Variants in CPNE4 observed in about 807,000 individuals in gnomAD.
CPNE4 encodes copine-4.
Under a neutral mutation model 67.9 loss-of-function variants are expected in CPNE4, and 25 were observed. The ratio of observed to expected loss-of-function variants is 0.37; its 90% CI spans 0.27 to 0.51. CPNE4 has a LOEUF of 0.51. Among genes scored for constraint, CPNE4 ranks in the 20% least tolerant of loss-of-function variants. The probability of loss-of-function intolerance (pLI) is 0.93; values close to 1 mark genes in which losing one functional copy is unlikely to be tolerated. For synonymous variants in CPNE4, 242 were observed against 244.9 expected (o/e 0.99, Z 0.11); for missense variants, 464 against 690.8 (o/e 0.67, Z 3.68).
intron 7 of CPNE4, among the ~76,000 whole-genome samples, chr3:131,588,603 A>T (rs1430584661): frequency 6.6e-6 from 1 of 152,146 alleles, no homozygotes; most frequent in Non-Finnish European, 1.5e-5. Flanking sequence ...CTGTTCCCAG[A>T]TCCTGCAGGA....
At chr3:131,873,460 A>G (rs1033327653) in intron 2 of CPNE4, among the ~76,000 whole-genome samples, 2 of 152,174 alleles carry the variant, frequency 1.3e-5, no homozygotes, top group Admixed American at 6.5e-5. Context: ...TTATCTGAAT[A>G]TTCTGATCTT....
At chr3:131,599,246 A>T (rs935699901) in intron 7 of CPNE4, among the ~76,000 whole-genome samples, 2 of 152,200 alleles carry the variant, frequency 1.3e-5, no homozygotes, top group Non-Finnish European at 2.9e-5. Context: ...AATAATACCA[A>T]ATATATATCT....
At chr3:131,571,782 A>G (rs1473462891) in intron 10 of CPNE4, among the ~76,000 whole-genome samples, 1 of 151,968 alleles carries the variant, frequency 6.6e-6, no homozygotes, top group African/African-American at 2.4e-5. Flanking sequence ...GCCCTCGTCA[A>G]TATCCTTTGG....
chr3:131,811,746 A>C (rs564681329), intron 2 of CPNE4, among the ~76,000 whole-genome samples: 1 of 152,320 alleles, frequency 6.6e-6, no homozygotes, highest in South Asian at 2.1e-4. Context: ...ACATTTCAAA[A>C]TAAAGAGTAC....
chr3:131,780,082 C>T (rs956587735), intron 2 of CPNE4, among the ~76,000 whole-genome samples: 7 of 152,042 alleles, frequency 4.6e-5, no homozygotes. Context: ...TGAAAAAATG[C>T]TCAATATCAC....
chr3:131,816,627 CAGTAACTACA>C (rs2107956852), intron 2 of CPNE4, among the ~76,000 whole-genome samples: 1 of 152,286 alleles, frequency 6.6e-6, no homozygotes, highest in Non-Finnish European at 1.5e-5. Flanking sequence ...TCATTTCTAA[CAGTAACTACA>C]AGTAAGAGAA....
chr3:131,994,711 T>C (rs907005514), intron 1 of CPNE4, among the ~76,000 whole-genome samples: 1 of 152,096 alleles, frequency 6.6e-6, no homozygotes, highest in Non-Finnish European at 1.5e-5. Flanking sequence ...TAGCACCTAC[T>C]CCTCCCAAAG....
intron 1 of CPNE4, among the ~76,000 whole-genome samples, chr3:131,906,212 G>T (rs948945929): frequency 5.1e-5 from 6 of 117,494 alleles, no homozygotes; most frequent in East Asian, 2.8e-4. Flanking sequence ...GTTTTTTTTT[G>T]TTGTTGTTGT....
intron 2 of CPNE4, among the ~76,000 whole-genome samples, chr3:131,789,057 G>A (rs1583200216): frequency 6.6e-6 from 1 of 150,606 alleles, no homozygotes; most frequent in South Asian, 2.1e-4. Flanking sequence ...GAGAGAGAGA[G>A]AGAAAGACTT....
At position 131,570,337 on chromosome 3, in the gene CPNE4, TTA is replaced by T. The variant is rs199646143; in HGVS notation, c.927+4732_927+4733del. ...TTTATTTATTTATTTATTTATTTTT[TTA>T]AAATTTTTTATTATACTCTAAGTTT... On this transcript the variant is annotated intron_variant, in intron 10 of 15. Transcript: ENST00000429747. Among the ~76,000 whole-genome samples, 784 of 151,516 alleles carry T rather than the reference TTA, an allele frequency of 5.2e-3. 9 individuals carry two copies. Among genetic ancestry groups the T allele is most frequent in the African/African-American group, 0.016 (676 of 41,318 alleles).
intron 7 of CPNE4, among the ~76,000 whole-genome samples, chr3:131,621,776 G>T (rs1940478802): frequency 6.6e-6 from 1 of 151,914 alleles, no homozygotes; most frequent in African/African-American, 2.4e-5. Flanking sequence ...GGAGGCCAAG[G>T]TGGGCAGATT....
chr3:131,954,508 T>C (rs1352814855), intron 1 of CPNE4, among the ~76,000 whole-genome samples: 1 of 152,218 alleles, frequency 6.6e-6, no homozygotes, highest in Non-Finnish European at 1.5e-5. Context: ...TTTTTTATTA[T>C]TATTATACTT....
At chr3:131,970,504 G>A (rs2072473675) in intron 1 of CPNE4, among the ~76,000 whole-genome samples, 1 of 152,164 alleles carries the variant, frequency 6.6e-6, no homozygotes, top group Non-Finnish European at 1.5e-5. Flanking sequence ...TGACATGAAT[G>A]AGTTTGTTTC....
At chr3:131,574,563 G>A (rs1308311802) in intron 10 of CPNE4, among the ~76,000 whole-genome samples, 3 of 152,054 alleles carry the variant, frequency 2.0e-5, no homozygotes, top group African/African-American at 7.2e-5. Context: ...CCTCGGCCTG[G>A]TTCTCCAATC....
At chr3:131,916,376 AT>A (rs1560595930) in intron 1 of CPNE4, among the ~76,000 whole-genome samples, 3 of 148,998 alleles carry the variant, frequency 2.0e-5, no homozygotes, top group Non-Finnish European at 4.4e-5. Flanking sequence ...ACAGAGCAGG[AT>A]TATTCTTATG....
chr3:131,886,476 A>C (rs957327576), intron 2 of CPNE4, among the ~76,000 whole-genome samples: 2 of 152,224 alleles, frequency 1.3e-5, no homozygotes, highest in Non-Finnish European at 1.5e-5. Context: ...CATAGCCCCC[A>C]CACAGAGTCC....
chr3:132,001,589 AAGAAAGAAAG>A (rs1212184800), intron 1 of CPNE4, among the ~76,000 whole-genome samples: 1 of 151,102 alleles, frequency 6.6e-6, no homozygotes. Context: ...GAAAGAAAGA[AAGAAAGAAAG>A]AAAGAAAGAA....
Position 131,615,923 on chromosome 3 carries a change from A to G in CPNE4, c.682-28341T>C, listed in dbSNP as rs867186627. Reference sequence around the variant, plus strand: ...CACACACACACACACACACACACACACACACGCACACACACACACACACAC... The same window carrying G: ...CACACACACACACACACACACACACGCACACGCACACACACACACACACAC... On this transcript the variant is annotated intron_variant, in intron 7 of 15. Transcript: ENST00000429747. Among the ~76,000 whole-genome samples the G allele has an allele frequency of 5.1e-3, 454 of 89,438 alleles. 3 individuals are homozygous for G. The highest frequency in any genetic ancestry group is 0.046 in the African/African-American group (409 of 8,800). The allele number at this position is 89,438 out of a possible 152,430, so 58.7% of individuals were successfully genotyped here.
chr3:131,843,095 A>G (rs1346026310), intron 2 of CPNE4, among the ~76,000 whole-genome samples: 1 of 152,232 alleles, frequency 6.6e-6, no homozygotes, highest in Non-Finnish European at 1.5e-5. Flanking sequence ...AGTAAAACCC[A>G]ACGATTTTCA....
Sources: allele counts gnomAD v4.1 joint callset (sites outside exome capture counted in the v4.1 genomes callset), GRCh38; gene constraint gnomAD v4.1.1; transcripts MANE v1.5; gene names NCBI Gene and HGNC (gene_info 2026-07-23, HGNC 2026-07-21).